The following GRHL2 variants were observed in gnomAD, a reference collection of about 807,000 sequenced individuals.
GRHL2 encodes grainyhead like transcription factor 2, also known as grainyhead-like protein 2 homolog.
GRHL2 carries 21 observed loss-of-function variants against 83.8 expected under a neutral mutation model. That is an observed-to-expected ratio of 0.25 (90% CI 0.18 to 0.36). GRHL2 has a LOEUF of 0.36. Among genes scored for constraint, GRHL2 ranks in the 10% least tolerant of loss-of-function variants. GRHL2 has a pLI of 1.00. For synonymous variants in GRHL2, 280 were observed against 278.9 expected (o/e 1.00, Z -0.04); for missense variants, 623 against 781.8 (o/e 0.80, Z 2.42).
At chr8:101,648,374 T>G (rs1273253048) in intron 13 of GRHL2, among the ~76,000 whole-genome samples, 1 of 152,096 alleles carries the variant, frequency 6.6e-6, no homozygotes, top group Non-Finnish European at 1.5e-5. Context: ...AGAATGTTAT[T>G]TTGCAGAGAA....
intron 8 of GRHL2, among the ~76,000 whole-genome samples, chr8:101,606,062 C>G (rs1245491682): frequency 6.6e-6 from 1 of 152,124 alleles, no homozygotes; most frequent in Non-Finnish European, 1.5e-5. Context: ...GAGAAATTTC[C>G]AAAGCAAGAA....
intron 14 of GRHL2, among the ~76,000 whole-genome samples, chr8:101,656,869 A>AACACACAC (rs1329881993): frequency 1.8e-5 from 1 of 55,360 alleles, no homozygotes. Context: ...TTATGTGTCT[A>AACACACAC]ACAGACACAC....
chr8:101,636,940 A>G lies in GRHL2; in HGVS notation c.1517+12A>G, dbSNP rs142083150. On this transcript the variant is annotated intron_variant, in intron 12 of 15. Transcript: ENST00000646743. ...GATGAACGAGAAGGGTAAGACACTCAGTTCTTTCATTTCAACACTCCAAGT... is the reference window on the plus strand; with the variant it reads ...GATGAACGAGAAGGGTAAGACACTCGGTTCTTTCATTTCAACACTCCAAGT... The G allele has an allele frequency of 9.2e-4, 1,481 of 1,612,324 alleles. 13 individuals carry two copies. The African/African-American group carries it at 0.015, about 16-fold the overall frequency.
At chr8:101,633,285 T>C (rs1486667998) in intron 11 of GRHL2, among the ~76,000 whole-genome samples, 1 of 152,216 alleles carries the variant, frequency 6.6e-6, no homozygotes, top group Non-Finnish European at 1.5e-5. Context: ...CCAAATCAAT[T>C]GGGTTTTAAT....
At position 101,570,388 on chromosome 8, in the gene GRHL2, C is replaced by CA; in HGVS notation, c.729dup (p.Ser244IlefsTer63). 1 of 1,613,494 alleles carries CA rather than the reference C, an allele frequency of 6.2e-7. No individual in the cohort carries two copies. The highest frequency in any genetic ancestry group is 8.5e-7 in the Non-Finnish European group (1 of 1,179,444). On this transcript the variant is annotated frameshift_variant, in exon 5 of 16. Transcript: ENST00000646743. LOFTEE classifies it high-confidence loss of function. ...GCTGAGGAGTACATGTATGATCAGA[C>CA]ATCAAGGTGAGTTACCAGGAGATGC...
chr8:101,558,503 C>T lies in GRHL2; in HGVS notation c.369C>T (p.Asn123=). The part of the protein sequence containing the change: ...RVQVLKTVPV[N]LSLNQDHLEN... ...AAGTCCTAAAGACTGTTCCAGTGAA[C>T]CTTTCCCTAAATCAAGATCACCTGG... The change falls in exon 4 of 16, where the codon AAC becomes AAT. Residue 123 remains asparagine, a synonymous_variant. Coordinates refer to ENST00000646743, the MANE Select transcript of GRHL2 (RefSeq NM_024915.4). 3.7e-6 allele frequency: 6 copies of T among 1,614,074 alleles called. No homozygotes were observed. The highest frequency in any genetic ancestry group is 5.1e-6 in the Non-Finnish European group (6 of 1,180,024).
intron 9 of GRHL2, among the ~76,000 whole-genome samples, chr8:101,627,580 T>A (rs1586155407): frequency 6.6e-6 from 1 of 152,174 alleles, no homozygotes; most frequent in East Asian, 1.9e-4. Context: ...GGCCCCTGAG[T>A]GTTCAAGTGA....
intron 9 of GRHL2, among the ~76,000 whole-genome samples, chr8:101,621,376 A>T (rs1190191073): frequency 6.6e-6 from 1 of 152,234 alleles, no homozygotes; most frequent in African/African-American, 2.4e-5. Flanking sequence ...TCAACTTGAG[A>T]TGTGTAGAAA....
At chr8:101,552,590 C>G in intron 2 of GRHL2, 125 bp from the exon 3 acceptor site, 2 of 839,838 alleles carry the variant, frequency 2.4e-6, no homozygotes, top group South Asian at 1.4e-5. Flanking sequence ...CTGGTGATAG[C>G]AACTTTTCCA....
intron 7 of GRHL2, among the ~76,000 whole-genome samples, chr8:101,598,568 T>C (rs1294060021): frequency 6.8e-6 from 1 of 146,966 alleles, no homozygotes. Flanking sequence ...AAAGCTTTAC[T>C]GTGGTCTCCT....
intron 4 of GRHL2, among the ~76,000 whole-genome samples, chr8:101,569,655 C>T (rs1811782442): frequency 6.6e-6 from 1 of 152,060 alleles, no homozygotes; most frequent in African/African-American, 2.4e-5. Flanking sequence ...TATTTTTAGT[C>T]AAGACAGGTC....
rs10696908 is a variant in GRHL2 at position 101,669,694 on chromosome 8, G to GA, written c.*2997dup. 59,820 of 152,164 alleles carry GA rather than the reference G, an allele frequency of 0.39. 12,162 individuals carry two copies. The highest frequency in any genetic ancestry group is 0.53 in the South Asian group (2,557 of 4,800). 9.4% of individuals were successfully genotyped at this position (152,164 alleles called of 1,614,324 possible). ...TTTATTTTTTGTACATTTTTAAGGA[G>GA]AAAAAATAAATATTCATAACATAAG... is the stretch of plus-strand genomic sequence containing the variant. On this transcript the variant is annotated 3_prime_UTR_variant, in exon 16 of 16. Transcript: ENST00000646743.
At chr8:101,643,456 T>C (rs1813444508) in intron 12 of GRHL2, among the ~76,000 whole-genome samples, 1 of 144,634 alleles carries the variant, frequency 6.9e-6, no homozygotes, top group Non-Finnish European at 1.5e-5. Context: ...TGGGAGGAAA[T>C]GCAGAAACAT....
intron 1 of GRHL2, among the ~76,000 whole-genome samples, chr8:101,537,011 T>A (rs1375212306): frequency 2.6e-5 from 4 of 152,036 alleles, no homozygotes; most frequent in African/African-American, 9.7e-5. Flanking sequence ...CTCCCACTTA[T>A]AAGTGAGAAC....
chr8:101,618,295 T>C (rs1246103714), intron 8 of GRHL2, among the ~76,000 whole-genome samples: 2 of 152,214 alleles, frequency 1.3e-5, no homozygotes, highest in Non-Finnish European at 2.9e-5. Context: ...ATAATTATTT[T>C]TAGTTCTTTT....
chr8:101,577,379 A>G, intron 6 of GRHL2, 29 bp from the exon 7 acceptor site: 1 of 1,460,568 alleles, frequency 6.8e-7, no homozygotes, highest in African/African-American at 1.4e-5. Context: ...CTGAACAAAA[A>G]GTAAGCTCCA....
intron 14 of GRHL2, among the ~76,000 whole-genome samples, chr8:101,654,354 T>G (rs1298580736): frequency 6.6e-6 from 1 of 152,238 alleles, no homozygotes; most frequent in East Asian, 1.9e-4. Flanking sequence ...TCAACAGCAT[T>G]AAATGAGCTT....
At chr8:101,670,234 G>C (rs992030093), downstream of GRHL2, among the ~76,000 whole-genome samples, 7 of 152,132 alleles carry the variant, frequency 4.6e-5, no homozygotes, top group African/African-American at 1.7e-4. Context: ...GTATCTGCTG[G>C]GGTTTCCTTG....
intron 8 of GRHL2, among the ~76,000 whole-genome samples, chr8:101,604,082 G>GTGTGTGCATATA (rs1363051101): frequency 3.2e-4 from 47 of 148,198 alleles, no homozygotes; most frequent in South Asian, 1.1e-3. Flanking sequence ...GTGTGCATAT[G>GTGTGTGCATATA]TGTATGTGTG....
Sources: allele counts gnomAD v4.1 joint callset (sites outside exome capture counted in the v4.1 genomes callset), GRCh38; gene constraint gnomAD v4.1.1; transcripts MANE v1.5; gene names NCBI Gene and HGNC (gene_info 2026-07-23, HGNC 2026-07-21).